TNFRSF11A: variants seen among roughly 807,000 people sequenced by gnomAD.
TNFRSF11A encodes tumor necrosis factor receptor superfamily member 11A.
Under a neutral mutation model 55.7 loss-of-function variants are expected in TNFRSF11A, and 32 were observed. That is an observed-to-expected ratio of 0.57 (90% CI 0.43 to 0.77). The LOEUF (loss-of-function observed/expected upper bound fraction) is 0.77. TNFRSF11A is among the 30% of genes least tolerant of loss of function. The pLI is 0.00. For synonymous variants in TNFRSF11A, 311 were observed against 331.0 expected, an observed-to-expected ratio of 0.94 and a Z score of 0.65; for missense variants, 753 against 809.8, an observed-to-expected ratio of 0.93 and a Z score of 0.85.
At chr18:62,380,377 G>C (rs1483394449) in intron 9 of TNFRSF11A, among the ~76,000 whole-genome samples, 1 of 150,502 alleles carries the variant, frequency 6.6e-6, no homozygotes, top group Non-Finnish European at 1.5e-5. Flanking sequence ...GAATAAACTT[G>C]TTTTAGAATC....
chr18:62,355,228 G>A (rs192917141), intron 4 of TNFRSF11A, among the ~76,000 whole-genome samples: 103 of 151,960 alleles, frequency 6.8e-4, no homozygotes, highest in Middle Eastern at 3.4e-3. Context: ...TTTCACATTC[G>A]AATATGCACA....
intron 1 of TNFRSF11A, among the ~76,000 whole-genome samples, chr18:62,347,554 C>G (rs954195103): frequency 1.8e-4 from 28 of 152,120 alleles, no homozygotes; most frequent in African/African-American, 6.8e-4. Flanking sequence ...AGGGCAGAGC[C>G]CAGGAAGCCC....
At chr18:62,381,139 C>T (rs1346773895) in intron 9 of TNFRSF11A, among the ~76,000 whole-genome samples, 1 of 152,232 alleles carries the variant, frequency 6.6e-6, no homozygotes, top group African/African-American at 2.4e-5. Flanking sequence ...GTCCATGAAA[C>T]AAAGGATTCT....
intron 1 of TNFRSF11A, among the ~76,000 whole-genome samples, chr18:62,347,487 A>T (rs1433421627): frequency 1.3e-5 from 2 of 152,218 alleles, no homozygotes; most frequent in Non-Finnish European, 2.9e-5. Flanking sequence ...ACCAGAAGGG[A>T]ACCAGAGGCT....
intron 1 of TNFRSF11A, among the ~76,000 whole-genome samples, chr18:62,330,611 G>C (rs1317310260): frequency 2.6e-5 from 4 of 152,128 alleles, no homozygotes; most frequent in African/African-American, 9.7e-5. Context: ...GGGGAAGAGT[G>C]TCCAGGGGCG....
intron 1 of TNFRSF11A, among the ~76,000 whole-genome samples, chr18:62,334,173 C>T (rs1031726992): frequency 1.4e-4 from 21 of 152,086 alleles, no homozygotes; most frequent in African/African-American, 5.1e-4. Flanking sequence ...GCCTCTAGAA[C>T]TATTCTTAAG....
At chr18:62,326,688 A>G (rs1356656387) in intron 1 of TNFRSF11A, among the ~76,000 whole-genome samples, 2 of 152,216 alleles carry the variant, frequency 1.3e-5, no homozygotes, top group Non-Finnish European at 2.9e-5. Context: ...TCTAATATGA[A>G]CAACAAATGC....
chr18:62,341,144 A>G (rs2046304912), intron 1 of TNFRSF11A, among the ~76,000 whole-genome samples: 1 of 152,256 alleles, frequency 6.6e-6, no homozygotes, highest in African/African-American at 2.4e-5. Flanking sequence ...TTATCAGCAG[A>G]CGGACTGAGT....
intron 1 of TNFRSF11A, among the ~76,000 whole-genome samples, chr18:62,335,512 G>A (rs1315454697): frequency 1.3e-5 from 2 of 152,298 alleles, no homozygotes; most frequent in Middle Eastern, 3.4e-3. Context: ...ACTCAAGGTG[G>A]TGGGCACCTG....
At chr18:62,337,585 C>A (rs2046253116) in intron 1 of TNFRSF11A, among the ~76,000 whole-genome samples, 1 of 152,220 alleles carries the variant, frequency 6.6e-6, no homozygotes, top group African/African-American at 2.4e-5. Flanking sequence ...CACCTGTAAT[C>A]CTCCTCCTGG....
rs1361485549 is a variant in TNFRSF11A, at chr18:62,390,557, T to C, written c.*5523T>C. On this transcript the variant is annotated 3_prime_UTR_variant, in exon 10 of 10. Transcript: ENST00000586569. ...CACTGGAGTCAATGAAAGCTTTTGC[T>C]CTCACCCAGGCTCTTGGTTTCTCAC... 6.6e-6 allele frequency: 1 copy of C among 152,148 alleles called. No homozygotes were observed. Among genetic ancestry groups the C allele is most frequent in the East Asian group, 1.9e-4 (1 of 5,182 alleles). The allele number at this position is 152,148 out of a possible 1,614,324, so 9.4% of individuals were successfully genotyped here. A position where few individuals can be genotyped will look rare whatever the true frequency, so the allele number is the denominator to read the frequency against.
intron 1 of TNFRSF11A, among the ~76,000 whole-genome samples, chr18:62,342,753 G>T (rs946183879): frequency 6.6e-6 from 1 of 152,194 alleles, no homozygotes; most frequent in African/African-American, 2.4e-5. Flanking sequence ...ACTTGTGACC[G>T]GGAGAAACTG....
At position 62,325,486 on chromosome 18, in the gene TNFRSF11A, GA is replaced by G; in HGVS notation, c.75+61del. ...CCCGACGCCTCCTCGGGAGCCCCGG[GA>G]AGGGCCGGGGCCGGCGGCATCCTGG... On this transcript the variant is annotated intron_variant, in intron 1 of 9. Coordinates refer to ENST00000586569, the MANE Select transcript of TNFRSF11A (RefSeq NM_003839.4). The surrounding 1 kb of genome is among the most constrained non-coding windows in gnomAD (Gnocchi z 4.7). 8.8e-7 allele frequency: 1 copy of G among 1,141,096 alleles called. No individual in the cohort carries two copies. The highest frequency in any genetic ancestry group is 1.1e-6 in the Non-Finnish European group (1 of 907,480). The allele number at this position is 1,141,096 out of a possible 1,614,324, so 70.7% of individuals were successfully genotyped here.
rs1220482575 is a variant in TNFRSF11A at position 62,358,344 on chromosome 18, A to G, written c.521+3A>G. 1 of 1,613,336 alleles carries G rather than the reference A, an allele frequency of 6.2e-7. No individual in the cohort carries two copies. Among genetic ancestry groups the G allele is most frequent in the African/African-American group, 1.3e-5 (1 of 74,992 alleles). On this transcript the variant is annotated splice_donor_region_variant and intron_variant, in intron 5 of 9. Coordinates refer to ENST00000586569, the MANE Select transcript of TNFRSF11A (RefSeq NM_003839.4). ...GACAAATGCAGACCCTGGACCAAGTAAGTAACAACAAAGGAGTCAGAAGAG... is the reference window on the plus strand; with the variant it reads ...GACAAATGCAGACCCTGGACCAAGTGAGTAACAACAAAGGAGTCAGAAGAG...
At chr18:62,340,367 C>A (rs570848639) in intron 1 of TNFRSF11A, among the ~76,000 whole-genome samples, 15 of 151,908 alleles carry the variant, frequency 9.9e-5, no homozygotes, top group African/African-American at 3.4e-4. Context: ...CACAGGCACA[C>A]GCTACCACAC....
chr18:62,347,324 C>T (rs1279893059), intron 1 of TNFRSF11A, among the ~76,000 whole-genome samples: 2 of 152,170 alleles, frequency 1.3e-5, no homozygotes, highest in African/African-American at 4.8e-5. Flanking sequence ...TTTGCTCACA[C>T]CAAGAATGCT....
At chr18:62,366,847 C>G in intron 8 of TNFRSF11A, 87 bp downstream of exon 8, 2 of 1,316,548 alleles carry the variant, frequency 1.5e-6, no homozygotes, top group African/African-American at 1.4e-5. Flanking sequence ...TGAGCACCCC[C>G]CCCCACCCCC....
intron 4 of TNFRSF11A, among the ~76,000 whole-genome samples, chr18:62,355,887 T>C (rs1909217814): frequency 6.6e-6 from 1 of 152,250 alleles, no homozygotes; most frequent in South Asian, 2.1e-4. Flanking sequence ...AATAACTGAA[T>C]GGCAAAGGAA....
chr18:62,341,177 A>G (rs2046305422), intron 1 of TNFRSF11A, among the ~76,000 whole-genome samples: 2 of 152,260 alleles, frequency 1.3e-5, no homozygotes, highest in Admixed American at 1.3e-4. Context: ...CCTTCACCCA[A>G]GTGTGGCTCG....
Sources: allele counts gnomAD v4.1 joint callset (sites outside exome capture counted in the v4.1 genomes callset), GRCh38; gene constraint gnomAD v4.1.1; non-coding constraint Gnocchi (gnomAD v3.1); transcripts MANE v1.5; gene names NCBI Gene and HGNC (gene_info 2026-07-23, HGNC 2026-07-21).